TOP3A: variants seen among roughly 807,000 people sequenced by gnomAD.
TOP3A encodes the protein DNA topoisomerase 3-alpha.
A neutral mutation model predicts 111.3 loss-of-function variants in TOP3A; 64 were observed. The ratio of observed to expected loss-of-function variants is 0.57; its 90% confidence interval spans 0.47 to 0.71. The LOEUF is 0.71. Ranked by LOEUF, TOP3A falls within the 30% of genes least tolerant of loss-of-function variation. The pLI is 0.00. For missense variants in TOP3A, 1,104 were observed against 1,285.0 expected (o/e 0.86, Z 2.15); for synonymous variants, 484 against 485.1 (o/e 1.00, Z 0.03).
Position 18,299,605 on chromosome 17 carries a change from C to T in TOP3A, c.944G>A (p.Arg315Lys). Residue 315 changes from arginine (R) to lysine (K), a missense_variant, in exon 9 of 19, where the codon AGA becomes AAA. Physicochemically the swap from Arg to Lys is conservative, Grantham distance 26. Transcript: ENST00000321105. ...EDPMATVVEV[R>K]SKPKSKWRPQ... is the part of the protein sequence containing the mutation. ...CCGCCACTTGCTCTTGGGCTTAGAT[C>T]TGACCTCTACCACAGTTGCCATGGG... 1 of 1,614,128 alleles carries T rather than the reference C, an allele frequency of 6.2e-7. No individual in the cohort carries two copies. The highest frequency in any genetic ancestry group is 8.5e-7 in the Non-Finnish European group (1 of 1,179,966).
intron 9 of TOP3A, among the ~76,000 whole-genome samples, chr17:18,295,462 T>G (rs961446066): frequency 6.6e-6 from 1 of 151,056 alleles, no homozygotes. Flanking sequence ...CTCTGCATTT[T>G]AAAAATTTTT....
intron 9 of TOP3A, among the ~76,000 whole-genome samples, chr17:18,297,576 C>T (rs1284987148): frequency 6.6e-6 from 1 of 152,226 alleles, no homozygotes; most frequent in Non-Finnish European, 1.5e-5. Flanking sequence ...GCGCGCGCCG[C>T]CACACCTGAC....
intron 13 of TOP3A, among the ~76,000 whole-genome samples, chr17:18,289,194 T>A (rs7207489): frequency 0.041 from 6,216 of 152,214 alleles, 354 homozygotes; most frequent in African/African-American, 0.13. Context: ...TGTATTTTTT[T>A]AGTAGTGATG....
intron 18 of TOP3A, among the ~76,000 whole-genome samples, chr17:18,277,179 A>T (rs1471082662): frequency 2.7e-5 from 3 of 112,802 alleles, no homozygotes; most frequent in Non-Finnish European, 1.7e-5. Context: ...AGCAAAACTC[A>T]GTCTCCAAAA....
At position 18,285,201 on chromosome 17, in the gene TOP3A, T is replaced by G. The variant is rs754846637; in HGVS notation, c.1818A>C (p.Leu606=). The change falls in exon 15 of 19, where the codon CTA becomes CTC. Residue 606 remains leucine (L), a synonymous_variant. Coordinates refer to ENST00000321105, the MANE Select transcript of TOP3A (RefSeq NM_004618.5). ...GCTTGTATTTCTGCACTTGCTGCCT[T>G]AGAACCACAAATTTGTCCTTTTTGC... ...CDGKKDKFVV[L]RQQVQKYKQV... The G allele has an allele frequency of 6.2e-7, 1 of 1,614,238 alleles. No homozygotes were observed. The highest frequency in any genetic ancestry group is 8.5e-7 in the Non-Finnish European group (1 of 1,180,046).
chr17:18,278,304 A>G lies in TOP3A; in HGVS notation c.2198T>C (p.Phe733Ser), dbSNP rs369419525. The G allele has an allele frequency of 2.0e-6, 3 of 1,523,252 alleles. No individual in the cohort carries two copies. The highest frequency in any genetic ancestry group is 1.3e-5 in the South Asian group (1 of 76,184). The allele number at this position is 1,523,252 out of a possible 1,614,324, so 94.4% of individuals were successfully genotyped here. A position where few individuals can be genotyped will look rare whatever the true frequency, so the allele number is the denominator to read the frequency against. Residue 733 changes from phenylalanine to serine, a missense_variant, in exon 18 of 19, where the codon TTT becomes TCT. Coordinates refer to ENST00000321105, the MANE Select transcript of TOP3A (RefSeq NM_004618.5). Reference sequence around the variant, plus strand: ...GTCGCATCCGCCGATGCAGCAAACAAACTCCAGAGGCATGGTCGGGGGAAG... The same window carrying G: ...GTCGCATCCGCCGATGCAGCAAACAGACTCCAGAGGCATGGTCGGGGGAAG... ...GSLPPTMPLE[F>S]VCCIGGCDDT...
At chr17:18,309,454 C>A (rs1448086844) in intron 1 of TOP3A, among the ~76,000 whole-genome samples, 1 of 151,904 alleles carries the variant, frequency 6.6e-6, no homozygotes, top group Non-Finnish European at 1.5e-5. Context: ...ACCAGCCTGG[C>A]CAACATGGTG....
chr17:18,292,696 A>T lies in TOP3A; in HGVS notation c.1230T>A (p.Ser410=). 2.5e-6 allele frequency: 4 copies of T among 1,595,478 alleles called. No individual in the cohort carries two copies. Among genetic ancestry groups the T allele is most frequent in the Non-Finnish European group, 3.4e-6 (4 of 1,167,338 alleles). ...GGPTPRNGNK[S]DQAHPPIHPT... ...GGTGAATGGGAGGGTGAGCTTGGTC[A>T]GACTTGTTCCCATTGCGTGGGGTGG... The change falls in exon 11 of 19, where the codon TCT becomes TCA. Residue 410 remains serine (S), a synonymous_variant. Transcript: ENST00000321105.
intron 18 of TOP3A, among the ~76,000 whole-genome samples, chr17:18,275,742 C>T (rs1051804403): frequency 6.6e-6 from 1 of 151,334 alleles, no homozygotes; most frequent in Non-Finnish European, 1.5e-5. Flanking sequence ...CAAGCTCCGC[C>T]TCCCGGGTTC....
Position 18,272,337 on chromosome 17 carries a change from A to G in TOP3A, c.*2465T>C, listed in dbSNP as rs1420851182. Among the ~76,000 whole-genome samples the G allele has an allele frequency of 2.0e-5, 3 of 152,222 alleles. No homozygotes were observed. The highest frequency in any genetic ancestry group is 4.4e-5 in the Non-Finnish European group (3 of 68,042). On this transcript the variant is annotated 3_prime_UTR_variant, in exon 19 of 19. Transcript: ENST00000321105. ...ACCCTGGTGTGCTGCTGGTGGGTGT[A>G]AAGTGGTGCATCCACTGTGGAAAAT... is the stretch of plus-strand genomic sequence containing the variant.
chr17:18,302,368 T>C lies in TOP3A; in HGVS notation c.710A>G (p.Gln237Arg). Residue 237 changes from glutamine (Q) to arginine (R), a missense_variant, in exon 7 of 19, where the codon CAG becomes CGG. By Grantham distance (43) the Gln-to-Arg change is conservative. Transcript: ENST00000321105. ...CTGGCAGCTGCCGTAACTGATGAGCTGCTCTGCCAGCACCTCAGGAAAAAT... is the reference window on the plus strand; with the variant it reads ...CTGGCAGCTGCCGTAACTGATGAGCCGCTCTGCCAGCACCTCAGGAAAAAT... ...QRIFPEVLAE[Q>R]LISYGSCQFP... 2 of 1,613,358 alleles carry C rather than the reference T, an allele frequency of 1.2e-6. No homozygotes were observed. The highest frequency in any genetic ancestry group is 1.7e-6 in the Non-Finnish European group (2 of 1,180,026).
intron 4 of TOP3A, among the ~76,000 whole-genome samples, chr17:18,305,754 C>G (rs1346481421): frequency 6.6e-6 from 1 of 152,116 alleles, no homozygotes; most frequent in Non-Finnish European, 1.5e-5. Flanking sequence ...AGGAGAATGG[C>G]ATGAACCCGG....
chr17:18,302,845 A>C, intron 5 of TOP3A, 122 bp from the exon 6 acceptor site: 6 of 1,128,914 alleles, frequency 5.3e-6, no homozygotes, highest in Non-Finnish European at 5.0e-6. Flanking sequence ...CTGTGAGATG[A>C]CCAATTTACC....
intron 9 of TOP3A, among the ~76,000 whole-genome samples, chr17:18,295,824 T>C: frequency 6.7e-6 from 1 of 148,718 alleles, no homozygotes; most frequent in Non-Finnish European, 1.5e-5. Flanking sequence ...TGGAGTGCAG[T>C]GGCGTGATCT....
At chr17:18,284,433 TC>T (rs1353222809) in intron 15 of TOP3A, among the ~76,000 whole-genome samples, 7 of 152,066 alleles carry the variant, frequency 4.6e-5, no homozygotes, top group Admixed American at 4.6e-4. Flanking sequence ...GGACTCAAAG[TC>T]CCAACCTTCT....
chr17:18,277,796 G>C lies in TOP3A; in HGVS notation c.2706C>G (p.Pro902=). The C allele has an allele frequency of 6.2e-7, 1 of 1,614,206 alleles. No individual in the cohort carries two copies. Among genetic ancestry groups the C allele is most frequent in the Non-Finnish European group, 8.5e-7 (1 of 1,180,046 alleles). The part of the protein sequence containing the change: ...GSGTSCLCSQ[P]SVTRTVQKDG... ...CCTTCTGCACAGTCCGTGTGACGGA[G>C]GGCTGGCTGCAAAGGCAGGATGTGC... The change falls in exon 18 of 19, where the codon CCC becomes CCG. Residue 902 remains proline, a synonymous_variant. Transcript: ENST00000321105.
intron 15 of TOP3A, 82 bp downstream of exon 15, chr17:18,285,060 G>T: frequency 6.6e-7 from 1 of 1,510,938 alleles, no homozygotes; most frequent in Non-Finnish European, 9.0e-7. Context: ...AGGCTGAGGT[G>T]GGAAGATCTC....
rs762149925 is a variant in TOP3A, at chr17:18,274,985, C to A, written c.2828-5G>T. ...AGGACGGGGCTCCAGAAGTCCCTGT[C>A]GGGAGAGTCAGGGGAGGGGTGAGGT... On this transcript the variant is annotated splice_polypyrimidine_tract_variant and splice_region_variant and intron_variant, in intron 18 of 18. Coordinates refer to ENST00000321105, the MANE Select transcript of TOP3A (RefSeq NM_004618.5). 1 of 1,612,686 alleles carries A rather than the reference C, an allele frequency of 6.2e-7. No homozygotes were observed. The highest frequency in any genetic ancestry group is 2.2e-5 in the East Asian group (1 of 44,854).
At position 18,273,262 on chromosome 17, in the gene TOP3A, C is replaced by T. The variant is rs1979110010; in HGVS notation, c.*1540G>A. On this transcript the variant is annotated 3_prime_UTR_variant, in exon 19 of 19. Coordinates refer to ENST00000321105, the MANE Select transcript of TOP3A (RefSeq NM_004618.5). ...CACCCACCTCTGCTCATCTTCTAAA[C>T]TGTAAATCAGAGTCCATATGGCTTG... 1 of 152,266 alleles carries T rather than the reference C, an allele frequency of 6.6e-6. No homozygotes were observed. The highest frequency in any genetic ancestry group is 1.5e-5 in the Non-Finnish European group (1 of 68,058). 9.4% of individuals were successfully genotyped at this position (152,266 alleles called of 1,614,324 possible). A position where few individuals can be genotyped will look rare whatever the true frequency, so the allele number is the denominator to read the frequency against.
Sources: allele counts gnomAD v4.1 joint callset (sites outside exome capture counted in the v4.1 genomes callset), GRCh38; gene constraint gnomAD v4.1.1; transcripts MANE v1.5; gene names NCBI Gene and HGNC (gene_info 2026-07-23, HGNC 2026-07-21).